Variants in CYP2C19 observed in about 807,000 individuals in gnomAD.
CYP2C19 encodes the protein cytochrome P450 family 2 subfamily C member 19, also known as cytochrome P450 2C19.
A neutral mutation model predicts 40.9 loss-of-function variants in CYP2C19; 59 were observed. The ratio of observed to expected loss-of-function variants is 1.44; its 90% confidence interval spans 1.17 to 1.79. The LOEUF (loss-of-function observed/expected upper bound fraction) is 1.79, where lower values mean the gene tolerates loss of function less well. Ranked by LOEUF, CYP2C19 falls within the 40% of genes most tolerant of loss-of-function variation. The probability of loss-of-function intolerance (pLI) is 0.00; values close to 1 mark genes in which losing one functional copy is unlikely to be tolerated. For missense variants in CYP2C19, 754 were observed against 596.9 expected (o/e 1.26, Z -2.74); for synonymous variants, 253 against 208.7 (o/e 1.21, Z -1.83).
intron 7 of CYP2C19, among the ~76,000 whole-genome samples, chr10:94,846,969 C>T (rs1476672351): frequency 2.0e-5 from 3 of 152,108 alleles, no homozygotes; most frequent in Non-Finnish European, 2.9e-5. Context: ...TTCTAGAAGA[C>T]GTCGTTTGAA....
chr10:94,768,009 T>G lies in CYP2C19; in HGVS notation c.168+5136T>G, dbSNP rs111356649. Among the ~76,000 whole-genome samples, 472 of 152,250 alleles carry G rather than the reference T, an allele frequency of 3.1e-3. 3 individuals are homozygous for G. The highest frequency in any genetic ancestry group is 0.011 in the African/African-American group (449 of 41,556). ...CCTTTTCTCCTTCACCTTTCTGATG[T>G]CTTTGGAAGTGTAAGACTGCCACCA... On this transcript the variant is annotated intron_variant, in intron 1 of 8. Coordinates refer to ENST00000371321, the MANE Select transcript of CYP2C19 (RefSeq NM_000769.4).
intron 3 of CYP2C19, chr10:94,776,500 T>G (rs1848409505): frequency 6.6e-6 from 1 of 152,150 alleles, no homozygotes; most frequent in Non-Finnish European, 1.5e-5. Context: ...AGACTGAAAA[T>G]CAGATTTATC....
intron 5 of CYP2C19, among the ~76,000 whole-genome samples, chr10:94,819,057 A>C (rs1254638633): frequency 3.7e-4 from 55 of 150,476 alleles, no homozygotes; most frequent in Non-Finnish European, 6.5e-4. Flanking sequence ...CCACAGTGCA[A>C]TCAAACTAGA....
Position 94,791,482 on chromosome 10 carries a change from T to C in CYP2C19, c.819+9485T>C, listed in dbSNP as rs924279136. 2.6e-5 allele frequency among the ~76,000 whole-genome samples: 4 copies of C among 152,186 alleles called. No individual in the cohort carries two copies. In the East Asian group the frequency reaches 5.8e-4, roughly 22 times the overall value. On this transcript the variant is annotated intron_variant, in intron 5 of 8. Coordinates refer to ENST00000371321, the MANE Select transcript of CYP2C19 (RefSeq NM_000769.4). The stretch of plus-strand genomic sequence containing the variant: ...TAGGGTGTCAAATTTAGACCTTTCC[T>C]GCTTTCTCCTGTGGGTATTTAGTGC...
At chr10:94,843,104 C>T in intron 7 of CYP2C19, 80 bp downstream of exon 7, 2 of 1,543,646 alleles carry the variant, frequency 1.3e-6, no homozygotes, top group Non-Finnish European at 9.0e-7. Context: ...CCTCTACCAT[C>T]ACTGGGTGAG....
chr10:94,807,426 G>A (rs943404273), intron 5 of CYP2C19, among the ~76,000 whole-genome samples: 8 of 152,048 alleles, frequency 5.3e-5, no homozygotes, highest in African/African-American at 1.9e-4. Context: ...TGGGATTGCT[G>A]GATTATATGG....
chr10:94,836,130 A>G (rs1164872968), intron 6 of CYP2C19, among the ~76,000 whole-genome samples: 1 of 152,248 alleles, frequency 6.6e-6, no homozygotes, highest in Non-Finnish European at 1.5e-5. Flanking sequence ...CAAGTAATAG[A>G]GCCTGATATT....
chr10:94,820,778 T>G lies in CYP2C19; in HGVS notation c.961+141T>G, dbSNP rs1589367203. 10 of 1,096,028 alleles carry G rather than the reference T, an allele frequency of 9.1e-6. No homozygotes were observed. The East Asian group carries it at 2.4e-4, about 26-fold the overall frequency. 67.9% of individuals were successfully genotyped at this position (1,096,028 alleles called of 1,614,324 possible). A position where few individuals can be genotyped will look rare whatever the true frequency, so the allele number is the denominator to read the frequency against. On this transcript the variant is annotated intron_variant, in intron 6 of 8. Coordinates refer to ENST00000371321, the MANE Select transcript of CYP2C19 (RefSeq NM_000769.4). ...GCAGCTGTAATCTGTCCCAATTTAA[T>G]GGTGTGATTAAAATGGAATATCCTG...
At chr10:94,806,399 A>G (rs1848836881) in intron 5 of CYP2C19, among the ~76,000 whole-genome samples, 2 of 152,042 alleles carry the variant, frequency 1.3e-5, no homozygotes, top group Admixed American at 6.6e-5. Flanking sequence ...GCTGCTTTCA[A>G]TTCTTTTGGG....
intron 7 of CYP2C19, among the ~76,000 whole-genome samples, chr10:94,843,307 A>C (rs1018335320): frequency 3.3e-5 from 5 of 152,196 alleles, no homozygotes; most frequent in African/African-American, 1.2e-4. Context: ...TTAATTTTTC[A>C]ATTTCCCAAA....
At position 94,843,852 on chromosome 10, in the gene CYP2C19, G is replaced by C. The variant is rs536616914; in HGVS notation, c.1149+828G>C. ...CTTGTTTCTCATTTCTAATCTGCAG[G>C]AAGCAGTGGAAGTTTTACATTTCAA... On this transcript the variant is annotated intron_variant, in intron 7 of 8. Coordinates refer to ENST00000371321, the MANE Select transcript of CYP2C19 (RefSeq NM_000769.4). 6.6e-5 allele frequency among the ~76,000 whole-genome samples: 10 copies of C among 152,294 alleles called. No homozygotes were observed. In the South Asian group the frequency reaches 2.1e-3, roughly 32 times the overall value.
intron 5 of CYP2C19, among the ~76,000 whole-genome samples, chr10:94,800,236 T>C (rs1189798259): frequency 6.6e-6 from 1 of 152,244 alleles, no homozygotes; most frequent in Non-Finnish European, 1.5e-5. Context: ...TTCTGTTTGT[T>C]AGTTTTTCTT....
chr10:94,827,891 A>G (rs571243775), intron 6 of CYP2C19, among the ~76,000 whole-genome samples: 1 of 151,866 alleles, frequency 6.6e-6, no homozygotes, highest in Non-Finnish European at 1.5e-5. Context: ...TTCAAAGAAC[A>G]TCTTTATTTC....
chr10:94,807,065 C>T (rs74727177), intron 5 of CYP2C19, among the ~76,000 whole-genome samples: 4 of 152,104 alleles, frequency 2.6e-5, no homozygotes, highest in African/African-American at 9.7e-5. Flanking sequence ...TCTACCTCTA[C>T]TAGCTACCAT....
intron 6 of CYP2C19, among the ~76,000 whole-genome samples, chr10:94,825,929 G>A (rs1389665599): frequency 6.6e-6 from 1 of 151,680 alleles, no homozygotes; most frequent in Non-Finnish European, 1.5e-5. Context: ...TTTCTCCATT[G>A]CTTGTTTTTC....
chr10:94,809,441 A>G (rs970684424), intron 5 of CYP2C19, among the ~76,000 whole-genome samples: 1 of 152,136 alleles, frequency 6.6e-6, no homozygotes, highest in Non-Finnish European at 1.5e-5. Flanking sequence ...TTAACGTGAT[A>G]TAATCCCATT....
At chr10:94,816,053 G>A (rs754061445) in intron 5 of CYP2C19, among the ~76,000 whole-genome samples, 2 of 151,952 alleles carry the variant, frequency 1.3e-5, no homozygotes, top group African/African-American at 2.4e-5. Flanking sequence ...AATGAAAGAG[G>A]AAATAGAAGA....
chr10:94,825,226 C>A (rs926894954), intron 6 of CYP2C19, among the ~76,000 whole-genome samples: 1 of 140,038 alleles, frequency 7.1e-6, no homozygotes, highest in Non-Finnish European at 1.6e-5. Context: ...CCTGAGGAAT[C>A]GCCACACTGA....
At position 94,814,032 on chromosome 10, in the gene CYP2C19, G is replaced by A. The variant is rs532321450; in HGVS notation, c.820-6464G>A. On this transcript the variant is annotated intron_variant, in intron 5 of 8. Coordinates refer to ENST00000371321, the MANE Select transcript of CYP2C19 (RefSeq NM_000769.4). ...TTCCCTCAAGGCTTTCCTTGGCTAT[G>A]GGAGGGAGTTCACCAATCCCTTGGG... is the stretch of plus-strand genomic sequence containing the variant. Among the ~76,000 whole-genome samples, 730 of 150,956 alleles carry A rather than the reference G, an allele frequency of 4.8e-3. 3 individuals carry two copies. The highest frequency in any genetic ancestry group is 0.017 in the African/African-American group (700 of 41,030).
Sources: allele counts gnomAD v4.1 joint callset (sites outside exome capture counted in the v4.1 genomes callset), GRCh38; gene constraint gnomAD v4.1.1; transcripts MANE v1.5; gene names NCBI Gene and HGNC (gene_info 2026-07-23, HGNC 2026-07-21).